Variants in TRPM3 observed in about 807,000 individuals in gnomAD.
TRPM3 encodes transient receptor potential cation channel subfamily M member 3.
TRPM3 carries 77 observed loss-of-function variants against 181.2 expected under a neutral mutation model. That is an observed-to-expected ratio of 0.42 (90% CI 0.35 to 0.51). The LOEUF (loss-of-function observed/expected upper bound fraction) is 0.51, where lower values mean the gene tolerates loss of function less well. Ranked by LOEUF, TRPM3 falls within the 20% of genes least tolerant of loss-of-function variation. The probability of loss-of-function intolerance (pLI) is 0.01; values close to 1 mark genes in which losing one functional copy is unlikely to be tolerated. For synonymous variants in TRPM3, 745 were observed against 796.4 expected, an observed-to-expected ratio of 0.94 and a Z score of 1.09; for missense variants, 1,759 against 2,196.7, an observed-to-expected ratio of 0.80 and a Z score of 3.98.
chr9:70,697,152 C>A (rs529009826), intron 8 of TRPM3, among the ~76,000 whole-genome samples: 9 of 152,250 alleles, frequency 5.9e-5, no homozygotes, highest in Admixed American at 5.9e-4. Flanking sequence ...ACCAGCTTGA[C>A]AAATTAAAAC....
intron 1 of TRPM3, among the ~76,000 whole-genome samples, chr9:71,402,605 A>C (rs981232759): frequency 1.3e-5 from 2 of 152,314 alleles, no homozygotes; most frequent in Admixed American, 6.5e-5. Flanking sequence ...AATTGTACTT[A>C]ACTGAGTGAT....
chr9:71,382,165 A>C (rs918093299), intron 1 of TRPM3, among the ~76,000 whole-genome samples: 2 of 152,138 alleles, frequency 1.3e-5, no homozygotes, highest in East Asian at 1.9e-4. Flanking sequence ...TATAAGATTT[A>C]GTTTCTCAAA....
chr9:71,218,856 A>C (rs546789875), intron 1 of TRPM3, among the ~76,000 whole-genome samples: 56 of 152,320 alleles, frequency 3.7e-4, no homozygotes, highest in African/African-American at 1.3e-3. Context: ...TGGTTTACCC[A>C]TCTTGTTGGG....
chr9:71,205,312 A>G (rs1364888539), intron 1 of TRPM3, among the ~76,000 whole-genome samples: 1 of 152,190 alleles, frequency 6.6e-6, no homozygotes, highest in Non-Finnish European at 1.5e-5. Context: ...GATTATTTCT[A>G]TGAAATAAGT....
intron 17 of TRPM3, among the ~76,000 whole-genome samples, chr9:70,618,549 C>T (rs2063138806): frequency 6.6e-6 from 1 of 152,214 alleles, no homozygotes; most frequent in Admixed American, 6.5e-5. Flanking sequence ...ACTCCTGGTG[C>T]AGCTGGCTTT....
intron 1 of TRPM3, among the ~76,000 whole-genome samples, chr9:71,032,060 ATATATAT>A (rs2057497146): frequency 1.7e-4 from 1 of 5,958 alleles, no homozygotes; most frequent in African/African-American, 8.9e-4. Flanking sequence ...TATATATATT[ATATATAT>A]TATATTATAT....
intron 1 of TRPM3, among the ~76,000 whole-genome samples, chr9:71,335,409 A>G (rs1052252650): frequency 2.0e-5 from 3 of 152,144 alleles, no homozygotes; most frequent in South Asian, 2.1e-4. Context: ...AGCCATCTTT[A>G]AACTTAATGA....
intron 1 of TRPM3, among the ~76,000 whole-genome samples, chr9:71,322,808 C>G (rs573263831): frequency 2.0e-5 from 3 of 152,120 alleles, no homozygotes; most frequent in Non-Finnish European, 2.9e-5. Context: ...CAGATCCCAG[C>G]ATTGCCAAAG....
At chr9:71,233,833 CAA>C (rs2081210305) in intron 1 of TRPM3, among the ~76,000 whole-genome samples, 1 of 152,198 alleles carries the variant, frequency 6.6e-6, no homozygotes, top group Non-Finnish European at 1.5e-5. Flanking sequence ...CAGTGAAGCT[CAA>C]AAGTCTTTCC....
At chr9:71,269,661 T>C (rs2083643683) in intron 1 of TRPM3, among the ~76,000 whole-genome samples, 1 of 152,122 alleles carries the variant, frequency 6.6e-6, no homozygotes, top group African/African-American at 2.4e-5. Context: ...AAAATCGGAG[T>C]GAGTGATGCC....
At chr9:71,045,154 T>C (rs1439641988) in intron 1 of TRPM3, among the ~76,000 whole-genome samples, 1 of 151,930 alleles carries the variant, frequency 6.6e-6, no homozygotes, top group African/African-American at 2.4e-5. Flanking sequence ...TTGAGTGCAG[T>C]GGTGCGATCT....
intron 1 of TRPM3, among the ~76,000 whole-genome samples, chr9:71,369,681 C>G (rs541915667): frequency 1.3e-5 from 2 of 152,260 alleles, no homozygotes; most frequent in South Asian, 2.1e-4. Context: ...CGCGCCCGGC[C>G]GGGAACAGTC....
chr9:71,342,541 A>G (rs879792861), intron 1 of TRPM3, among the ~76,000 whole-genome samples: 2 of 152,028 alleles, frequency 1.3e-5, no homozygotes, highest in Non-Finnish European at 2.9e-5. Flanking sequence ...ATTAAGTGAA[A>G]AATGTGAAGA....
At chr9:71,032,046 ATATT>A (rs1196674518) in intron 1 of TRPM3, among the ~76,000 whole-genome samples, 9 of 3,140 alleles carry the variant, frequency 2.9e-3, no homozygotes, top group African/African-American at 0.011. Flanking sequence ...ATATATATAT[ATATT>A]ATATATATTA....
intron 9 of TRPM3, among the ~76,000 whole-genome samples, chr9:70,655,379 G>A (rs1381166051): frequency 6.7e-6 from 1 of 149,554 alleles, no homozygotes; most frequent in Non-Finnish European, 1.5e-5. Context: ...TCACATTAAG[G>A]AAAAAGAGCC....
chr9:71,386,015 AAG>A (rs753852727), intron 1 of TRPM3, among the ~76,000 whole-genome samples: 43 of 152,000 alleles, frequency 2.8e-4, no homozygotes, highest in Non-Finnish European at 5.4e-4. Flanking sequence ...TGAGTCTTAG[AAG>A]ATTTAGACAT....
At chr9:71,097,363 A>G (rs1465484501) in intron 1 of TRPM3, among the ~76,000 whole-genome samples, 21 of 152,214 alleles carry the variant, frequency 1.4e-4, no homozygotes, top group Non-Finnish European at 4.4e-5. Context: ...ACATGTACAT[A>G]CACATATATA....
chr9:70,600,460 G>A (rs1477153711), intron 20 of TRPM3, among the ~76,000 whole-genome samples: 1 of 152,190 alleles, frequency 6.6e-6, no homozygotes, highest in Non-Finnish European at 1.5e-5. Context: ...AGGGTACCAG[G>A]AGCTACCCAA....
intron 1 of TRPM3, among the ~76,000 whole-genome samples, chr9:71,287,352 C>G (rs1466315488): frequency 6.6e-6 from 1 of 151,738 alleles, no homozygotes; most frequent in Non-Finnish European, 1.5e-5. Flanking sequence ...TCAGGCATTT[C>G]AGAATATACA....
Sources: gnomAD v4.1 joint callset for allele counts (sites outside exome capture counted in the v4.1 genomes callset) on GRCh38, gnomAD v4.1.1 for gene constraint, MANE v1.5 for transcripts, NCBI Gene and HGNC (gene_info 2026-07-23, HGNC 2026-07-21) for gene names.